PLPP4: variants seen among roughly 807,000 people sequenced by gnomAD.
PLPP4 encodes the protein diacylglycerol pyrophosphate like 2.
Under a neutral mutation model 32.2 loss-of-function variants are expected in PLPP4, and 20 were observed. The observed-to-expected ratio is 0.62, with a 90% CI of 0.44 to 0.90. The LOEUF is 0.90. Among genes scored for constraint, PLPP4 ranks in the 40% least tolerant of loss-of-function variants. PLPP4 has a pLI of 0.00. For missense variants in PLPP4, 257 were observed against 353.1 expected, an observed-to-expected ratio of 0.73 and a Z score of 2.18; for synonymous variants, 127 against 133.0, an observed-to-expected ratio of 0.95 and a Z score of 0.31.
chr10:120,460,011 G>C (rs1847968423), intron 1 of PLPP4, among the ~76,000 whole-genome samples: 1 of 152,122 alleles, frequency 6.6e-6, no homozygotes, highest in Non-Finnish European at 1.5e-5. Context: ...AATTCTGAGA[G>C]GTTGCTCTCC....
chr10:120,489,659 G>T (rs1425242825), intron 1 of PLPP4, among the ~76,000 whole-genome samples: 1 of 152,190 alleles, frequency 6.6e-6, no homozygotes, highest in Non-Finnish European at 1.5e-5. Flanking sequence ...AAGGTTGCCA[G>T]ATCAAATGCT....
chr10:120,469,884 C>T lies in PLPP4; in HGVS notation c.56+12523C>T, dbSNP rs1235848083. 2.0e-5 allele frequency among the ~76,000 whole-genome samples: 3 copies of T among 152,160 alleles called. No individual in the cohort carries two copies. In the East Asian group the frequency reaches 5.8e-4, roughly 29 times the overall value. On this transcript the variant is annotated intron_variant, in intron 1 of 6. Transcript: ENST00000398250. ...TGGTGTTCCATTGTATTAACCTATT[C>T]ATGGAATCTTAGGGTATTTTCATTT...
intron 5 of PLPP4, among the ~76,000 whole-genome samples, chr10:120,532,724 T>C (rs1385895191): frequency 6.6e-6 from 1 of 152,216 alleles, no homozygotes; most frequent in Non-Finnish European, 1.5e-5. Flanking sequence ...AATGAAATAA[T>C]ACAATATATA....
intron 6 of PLPP4, among the ~76,000 whole-genome samples, chr10:120,583,533 ACTAT>A (rs1261029334): frequency 6.6e-6 from 1 of 152,132 alleles, no homozygotes; most frequent in African/African-American, 2.4e-5. Context: ...AACCATTACC[ACTAT>A]CTAATTCTAG....
intron 5 of PLPP4, among the ~76,000 whole-genome samples, chr10:120,574,020 A>T (rs1456234422): frequency 6.6e-6 from 1 of 151,936 alleles, no homozygotes; most frequent in African/African-American, 2.4e-5. Context: ...TCTAATCAAG[A>T]AGAAAGTTTG....
chr10:120,547,890 T>A (rs923347867), intron 5 of PLPP4, among the ~76,000 whole-genome samples: 1 of 152,198 alleles, frequency 6.6e-6, no homozygotes, highest in African/African-American at 2.4e-5. Flanking sequence ...TTTCTATTTT[T>A]GAAATGGATA....
intron 5 of PLPP4, among the ~76,000 whole-genome samples, chr10:120,539,444 C>T (rs879891925): frequency 2.0e-5 from 3 of 152,090 alleles, no homozygotes; most frequent in Non-Finnish European, 2.9e-5. Context: ...ACACAGTGGG[C>T]CCCTTGTAAC....
chr10:120,550,759 T>A (rs1847860244), intron 5 of PLPP4, among the ~76,000 whole-genome samples: 2 of 151,980 alleles, frequency 1.3e-5, no homozygotes, highest in Non-Finnish European at 2.9e-5. Context: ...TATTTCAAAA[T>A]TAATCACATA....
intron 5 of PLPP4, among the ~76,000 whole-genome samples, chr10:120,572,285 A>T (rs1223777244): frequency 6.6e-6 from 1 of 152,216 alleles, no homozygotes; most frequent in East Asian, 1.9e-4. Context: ...GATGCTGAGG[A>T]TCTCACCTCG....
chr10:120,536,143 C>G (rs183751223), intron 5 of PLPP4, among the ~76,000 whole-genome samples: 230 of 152,046 alleles, frequency 1.5e-3, no homozygotes, highest in Middle Eastern at 3.4e-3. Context: ...AATACAATCT[C>G]TATCAAAATT....
chr10:120,543,314 A>T (rs932803), intron 5 of PLPP4, among the ~76,000 whole-genome samples: 15 of 152,182 alleles, frequency 9.9e-5, no homozygotes, highest in African/African-American at 2.9e-4. Flanking sequence ...CAGAGGAGGG[A>T]CAGAGCCCAG....
intron 5 of PLPP4, among the ~76,000 whole-genome samples, chr10:120,570,458 TTA>T (rs1161182977): frequency 4.6e-5 from 7 of 152,090 alleles, no homozygotes; most frequent in African/African-American, 1.7e-4. Context: ...GTGCCAGAAA[TTA>T]TCAGCTTGTG....
chr10:120,539,999 T>TAA (rs11386207), intron 5 of PLPP4, among the ~76,000 whole-genome samples: 6,376 of 142,976 alleles, frequency 0.045, 225 homozygotes, highest in South Asian at 0.21. Context: ...AGTAAACTTG[T>TAA]AAAAAAAAAA....
Position 120,589,813 on chromosome 10 carries a change from A to C in PLPP4, c.*311A>C, listed in dbSNP as rs796698429. The C allele has an allele frequency of 3.2e-6, 1 of 312,002 alleles. No individual in the cohort carries two copies. The highest frequency in any genetic ancestry group is 6.0e-6 in the Non-Finnish European group (1 of 167,924). 19.3% of individuals were successfully genotyped at this position (312,002 alleles called of 1,614,324 possible). The stretch of plus-strand genomic sequence containing the variant: ...GTAACAGCCACCTTCCTATGTTTTC[A>C]TGGTTGTAAAACATAATAAAACCTC... On this transcript the variant is annotated 3_prime_UTR_variant, in exon 7 of 7. Coordinates refer to ENST00000398250, the MANE Select transcript of PLPP4 (RefSeq NM_001030059.3).
intron 3 of PLPP4, among the ~76,000 whole-genome samples, chr10:120,516,399 G>A (rs983277275): frequency 1.3e-5 from 2 of 152,246 alleles, no homozygotes; most frequent in East Asian, 1.9e-4. Flanking sequence ...TTGGATGAGA[G>A]GAGTGAGGTT....
At chr10:120,487,233 G>A (rs1421643425) in intron 1 of PLPP4, among the ~76,000 whole-genome samples, 1 of 152,230 alleles carries the variant, frequency 6.6e-6, no homozygotes, top group African/African-American at 2.4e-5. Context: ...CGTGGTGAGA[G>A]TAACTCTTCT....
intron 2 of PLPP4, among the ~76,000 whole-genome samples, chr10:120,512,750 T>C (rs1289136316): frequency 6.6e-6 from 1 of 151,808 alleles, no homozygotes; most frequent in East Asian, 1.9e-4. Context: ...GAGGTGGAGG[T>C]TGCAGTGAGC....
chr10:120,581,921 G>A (rs1849531998), intron 6 of PLPP4, among the ~76,000 whole-genome samples: 1 of 152,212 alleles, frequency 6.6e-6, no homozygotes, highest in Non-Finnish European at 1.5e-5. Context: ...TAAAGGGTCA[G>A]ATATCAATAT....
intron 1 of PLPP4, among the ~76,000 whole-genome samples, chr10:120,471,336 GTTTC>G (rs374915831): frequency 3.3e-4 from 39 of 118,598 alleles, no homozygotes; most frequent in African/African-American, 1.0e-3. Flanking sequence ...TATCCCCTTT[GTTTC>G]TTTCTTTAGC....
Sources: allele counts gnomAD v4.1 joint callset (sites outside exome capture counted in the v4.1 genomes callset), GRCh38; gene constraint gnomAD v4.1.1; transcripts MANE v1.5; gene names NCBI Gene and HGNC (gene_info 2026-07-23, HGNC 2026-07-21).